BNC2: variants seen among roughly 807,000 people sequenced by gnomAD.
BNC2 encodes basonuclin zinc finger protein 2, also known as zinc finger protein basonuclin-2.
BNC2 carries 20 observed loss-of-function variants against 76.3 expected under a neutral mutation model. The observed-to-expected ratio is 0.26, with a 90% confidence interval of 0.18 to 0.38. The LOEUF is 0.38. Among genes scored for constraint, BNC2 ranks in the 10% least tolerant of loss-of-function variants. The pLI, the probability that BNC2 is intolerant of heterozygous loss-of-function variation, is 1.00. For synonymous variants in BNC2, 582 were observed against 514.8 expected (o/e 1.13, Z -1.77); for missense variants, 1,382 against 1,399.8 (o/e 0.99, Z 0.20).
rs369805900 is a variant in BNC2, at chr9:16,455,057, T to C, written c.670-17533A>G. Reference sequence around the variant, plus strand: ...AAATGCAGGGACTAGAGACTAAGTATGAGAAACGGAGCCCCAGGTGCAAAT... The same window carrying C: ...AAATGCAGGGACTAGAGACTAAGTACGAGAAACGGAGCCCCAGGTGCAAAT... On this transcript the variant is annotated intron_variant, in intron 5 of 6. Transcript: ENST00000380672. 7.6e-4 allele frequency among the ~76,000 whole-genome samples: 115 copies of C among 152,266 alleles called. 4 individuals are homozygous for C. The South Asian group carries it at 0.021, about 28-fold the overall frequency.
chr9:16,435,725 T>G lies in BNC2; in HGVS notation c.2469A>C (p.Glu823Asp). Residue 823 changes from glutamate (E) to aspartate (D), a missense_variant, in exon 6 of 7, where the codon GAA (glutamate) becomes GAC (aspartate). By Grantham distance (45) the Glu-to-Asp change is conservative. Transcript: ENST00000380672. ...NYGSPQKFSP[E>D]GDLCSSPDPK... is the part of the protein sequence containing the mutation. The stretch of plus-strand genomic sequence containing the variant: ...GGTCTGGGCTAGAACATAGGTCACC[T>G]TCTGGGGAGAACTTTTGAGGGCTGC... The G allele has an allele frequency of 6.2e-7, 1 of 1,614,122 alleles. No homozygotes were observed. Among genetic ancestry groups the G allele is most frequent in the Non-Finnish European group, 8.5e-7 (1 of 1,180,020 alleles).
intron 1 of BNC2, among the ~76,000 whole-genome samples, chr9:16,792,895 A>G (rs1817552709): frequency 6.6e-6 from 1 of 152,248 alleles, no homozygotes; most frequent in Admixed American, 6.5e-5. Context: ...GTATGATACA[A>G]AAGCAAAGGG....
intron 1 of BNC2, among the ~76,000 whole-genome samples, chr9:16,814,189 T>G (rs1009545484): frequency 6.6e-6 from 1 of 152,170 alleles, no homozygotes; most frequent in African/African-American, 2.4e-5. Context: ...GCAAGAGCAA[T>G]GATAAATGTT....
At chr9:16,697,228 C>T (rs1052606881) in intron 3 of BNC2, among the ~76,000 whole-genome samples, 1 of 152,018 alleles carries the variant, frequency 6.6e-6, no homozygotes, top group African/African-American at 2.4e-5. Context: ...CGTGGTGGCA[C>T]GTGCCCGTAG....
intron 3 of BNC2, among the ~76,000 whole-genome samples, chr9:16,642,926 G>A (rs1344644827): frequency 6.6e-6 from 1 of 152,134 alleles, no homozygotes; most frequent in African/African-American, 2.4e-5. Context: ...ATGTAGACAA[G>A]TTACTTTCTC....
chr9:16,662,921 C>T (rs1263472090), intron 3 of BNC2, among the ~76,000 whole-genome samples: 1 of 152,066 alleles, frequency 6.6e-6, no homozygotes, highest in Admixed American at 6.5e-5. Flanking sequence ...CTATTACCTG[C>T]AGTAAGTGCC....
At chr9:16,592,722 C>T (rs1176966965) in intron 3 of BNC2, among the ~76,000 whole-genome samples, 1 of 152,096 alleles carries the variant, frequency 6.6e-6, no homozygotes, top group African/African-American at 2.4e-5. Flanking sequence ...AATCCCACTG[C>T]CCCACCTACT....
At chr9:16,455,981 G>A (rs1240286454) in intron 5 of BNC2, among the ~76,000 whole-genome samples, 1 of 152,016 alleles carries the variant, frequency 6.6e-6, no homozygotes, top group Non-Finnish European at 1.5e-5. Flanking sequence ...TTCTCTCTGT[G>A]AACTACAGTG....
chr9:16,656,487 G>A (rs1487811313), intron 3 of BNC2, among the ~76,000 whole-genome samples: 2 of 152,040 alleles, frequency 1.3e-5, no homozygotes, highest in Non-Finnish European at 2.9e-5. Flanking sequence ...ATAATGGAAG[G>A]CTCCCTCACC....
intron 1 of BNC2, among the ~76,000 whole-genome samples, chr9:16,870,038 T>C (rs1178299776): frequency 5.9e-5 from 9 of 152,068 alleles, no homozygotes; most frequent in Admixed American, 5.2e-4. Flanking sequence ...CTGCACCTTC[T>C]CCGTAAAGCC....
At chr9:16,589,338 A>G (rs1819859000) in intron 3 of BNC2, among the ~76,000 whole-genome samples, 1 of 151,780 alleles carries the variant, frequency 6.6e-6, no homozygotes, top group Non-Finnish European at 1.5e-5. Context: ...GGTGCACACC[A>G]CCACTTCTGG....
rs1820638231 is a variant in BNC2, at chr9:16,418,669, T to C, written c.*320A>G. 3.4e-6 allele frequency: 1 copy of C among 290,790 alleles called. No individual in the cohort carries two copies. The highest frequency in any genetic ancestry group is 6.1e-6 in the Non-Finnish European group (1 of 163,884). The allele number at this position is 290,790 out of a possible 1,614,324, so 18.0% of individuals were successfully genotyped here. A position where few individuals can be genotyped will look rare whatever the true frequency, so the allele number is the denominator to read the frequency against. On this transcript the variant is annotated 3_prime_UTR_variant, in exon 7 of 7. Coordinates refer to ENST00000380672, the MANE Select transcript of BNC2 (RefSeq NM_017637.6). ...AAACTGGGGCTAGTTGCACACTGTG[T>C]GTGTGTGTGTGTGTGTGTGTGTATG...
chr9:16,787,803 A>G (rs1009337317), intron 1 of BNC2, among the ~76,000 whole-genome samples: 2 of 152,150 alleles, frequency 1.3e-5, no homozygotes, highest in African/African-American at 4.8e-5. Flanking sequence ...CTCCTGGTTC[A>G]GCGTCCCAAA....
chr9:16,734,534 C>T (rs555354311), intron 2 of BNC2, among the ~76,000 whole-genome samples: 2 of 152,306 alleles, frequency 1.3e-5, no homozygotes, highest in African/African-American at 4.8e-5. Flanking sequence ...GCCACCTTGA[C>T]TGGGCATTTC....
intron 5 of BNC2, among the ~76,000 whole-genome samples, chr9:16,493,186 A>G (rs1283061036): frequency 6.6e-6 from 1 of 152,198 alleles, no homozygotes; most frequent in Non-Finnish European, 1.5e-5. Context: ...ACAGGTAAGC[A>G]AAACCACTGA....
In BNC2 at chr9:16,613,316, A is replaced by G. The variant is rs560147384; in HGVS notation, c.331-30231T>C. On this transcript the variant is annotated intron_variant, in intron 3 of 6. Transcript: ENST00000380672. ...AAGGAAAACGTACTGTGTTAAAGAA[A>G]TAACAAGAAATATGCAAAACTTCTA... Among the ~76,000 whole-genome samples, 3 of 152,324 alleles carry G rather than the reference A, an allele frequency of 2.0e-5. No homozygotes were observed. In the East Asian group the frequency reaches 5.8e-4, roughly 29 times the overall value.
At chr9:16,621,781 A>G (rs1344312947) in intron 3 of BNC2, among the ~76,000 whole-genome samples, 1 of 152,318 alleles carries the variant, frequency 6.6e-6, no homozygotes, top group East Asian at 1.9e-4. Context: ...TGTAAAATAC[A>G]CTGAATTTTG....
intron 3 of BNC2, among the ~76,000 whole-genome samples, chr9:16,671,029 G>C (rs1474552465): frequency 2.0e-5 from 3 of 152,084 alleles, no homozygotes; most frequent in Non-Finnish European, 4.4e-5. Flanking sequence ...TTCATGCTCA[G>C]ACGGCCATAC....
chr9:16,658,093 T>C (rs1293416439), intron 3 of BNC2, among the ~76,000 whole-genome samples: 2 of 152,168 alleles, frequency 1.3e-5, no homozygotes, highest in Non-Finnish European at 2.9e-5. Context: ...AGATCCTAAT[T>C]TACTAATTTG....
Sources: allele counts gnomAD v4.1 joint callset (sites outside exome capture counted in the v4.1 genomes callset), GRCh38; gene constraint gnomAD v4.1.1; transcripts MANE v1.5; gene names NCBI Gene and HGNC (gene_info 2026-07-23, HGNC 2026-07-21).